MYT1L: variants seen among roughly 807,000 people sequenced by gnomAD.
MYT1L encodes the protein myelin transcription factor 1-like protein.
In MYT1L, 12 loss-of-function variants were observed where a neutral mutation model predicts 126.7. The ratio of observed to expected loss-of-function variants is 0.09; its 90% confidence interval spans 0.06 to 0.15. The LOEUF is 0.15. MYT1L is among the 10% of genes least tolerant of loss of function. The pLI, the probability that MYT1L is intolerant of heterozygous loss-of-function variation, is 1.00. For synonymous variants in MYT1L, 541 were observed against 604.2 expected, an observed-to-expected ratio of 0.90 and a Z score of 1.53; for missense variants, 979 against 1,585.2, an observed-to-expected ratio of 0.62 and a Z score of 6.49.
At chr2:2,303,681 T>G (rs953665642) in intron 1 of MYT1L, 1 of 152,142 alleles carries the variant, frequency 6.6e-6, no homozygotes. Flanking sequence ...AACAATTCAT[T>G]TACCCACAGA....
intron 2 of MYT1L, among the ~76,000 whole-genome samples, chr2:2,205,374 T>C (rs1047742832): frequency 2.6e-5 from 4 of 152,338 alleles, no homozygotes; most frequent in Admixed American, 2.6e-4. Context: ...ATGTGAACCT[T>C]AAACAATTCT....
intron 18 of MYT1L, among the ~76,000 whole-genome samples, chr2:1,864,827 A>C (rs937833514): frequency 6.6e-6 from 1 of 152,194 alleles, no homozygotes; most frequent in Admixed American, 6.5e-5. Flanking sequence ...CTGAGGAGCC[A>C]GCCACATGCC....
chr2:2,194,617 A>T (rs548062470), intron 2 of MYT1L, among the ~76,000 whole-genome samples: 1 of 152,114 alleles, frequency 6.6e-6, no homozygotes, highest in East Asian at 1.9e-4. Flanking sequence ...TTTCAGAAGC[A>T]GTAGAGTGTC....
chr2:2,189,461 C>T (rs1163793102), intron 2 of MYT1L, among the ~76,000 whole-genome samples: 1 of 152,122 alleles, frequency 6.6e-6, no homozygotes, highest in African/African-American at 2.4e-5. Flanking sequence ...TATTAAGACA[C>T]GCATGAAAGA....
At chr2:2,115,017 T>C (rs1173498411) in intron 3 of MYT1L, among the ~76,000 whole-genome samples, 2 of 152,208 alleles carry the variant, frequency 1.3e-5, no homozygotes, top group African/African-American at 4.8e-5. Context: ...CAGCAGAGCG[T>C]TCAGGGCTTT....
intron 15 of MYT1L, among the ~76,000 whole-genome samples, chr2:1,890,161 C>T (rs1411267543): frequency 6.6e-6 from 1 of 151,930 alleles, no homozygotes; most frequent in Non-Finnish European, 1.5e-5. Flanking sequence ...CCTCCACCTC[C>T]CAGGTTCAAG....
At chr2:1,863,069 A>C (rs1326408706) in intron 18 of MYT1L, among the ~76,000 whole-genome samples, 1 of 152,162 alleles carries the variant, frequency 6.6e-6, no homozygotes, top group Non-Finnish European at 1.5e-5. Flanking sequence ...GCGTGTCCAG[A>C]TGTGAGATGC....
rs907452967 is a variant in MYT1L at position 2,228,029 on chromosome 2, G to T, written c.-420-55041C>A. ...GATACTCACAGACATTAACTAAATT[G>T]CCCAATGTCAAGTAGCTCATAACGG... On this transcript the variant is annotated intron_variant, in intron 2 of 24. Coordinates refer to ENST00000647738, the MANE Select transcript of MYT1L (RefSeq NM_001303052.2). This position sits in a 1 kb window ranked among gnomAD's most constrained non-coding sequence, Gnocchi z 5.9. Among the ~76,000 whole-genome samples, 1 of 152,148 alleles carries T rather than the reference G, an allele frequency of 6.6e-6. No individual in the cohort carries two copies. The highest frequency in any genetic ancestry group is 2.4e-5 in the African/African-American group (1 of 41,434).
chr2:2,288,057 T>C (rs1006568537), intron 1 of MYT1L, among the ~76,000 whole-genome samples: 9 of 152,136 alleles, frequency 5.9e-5, no homozygotes, highest in African/African-American at 1.9e-4. Context: ...TCATCTGGTC[T>C]CATTTCCTGA....
At chr2:2,262,470 A>T (rs1039033420) in intron 2 of MYT1L, among the ~76,000 whole-genome samples, 1 of 152,074 alleles carries the variant, frequency 6.6e-6, no homozygotes, top group African/African-American at 2.4e-5. Flanking sequence ...AGGCAGGCGG[A>T]TCACAAGGTC....
intron 1 of MYT1L, among the ~76,000 whole-genome samples, chr2:2,296,609 G>C (rs2095697797): frequency 6.6e-6 from 1 of 152,160 alleles, no homozygotes; most frequent in Non-Finnish European, 1.5e-5. Flanking sequence ...GGAGAAGAGA[G>C]AGGGGGAGTG....
chr2:2,262,939 G>GACATATATATAT (rs1466512652), intron 2 of MYT1L, among the ~76,000 whole-genome samples: 1 of 51,994 alleles, frequency 1.9e-5, no homozygotes, highest in African/African-American at 8.5e-5. Flanking sequence ...TATAACCTGT[G>GACATATATATAT]ATATATATAT....
chr2:2,050,247 C>T (rs1008216404), intron 4 of MYT1L, among the ~76,000 whole-genome samples: 9 of 152,150 alleles, frequency 5.9e-5, no homozygotes, highest in African/African-American at 1.2e-4. Flanking sequence ...ATGACATTTG[C>T]TCACTGTTTT....
chr2:2,285,493 C>T (rs894955899), intron 1 of MYT1L, among the ~76,000 whole-genome samples: 2 of 152,312 alleles, frequency 1.3e-5, no homozygotes, highest in South Asian at 2.1e-4. Context: ...TAACCATATT[C>T]GTTCCAATTT....
At chr2:1,859,950 G>A (rs999152015) in intron 18 of MYT1L, among the ~76,000 whole-genome samples, 1 of 152,240 alleles carries the variant, frequency 6.6e-6, no homozygotes, top group Non-Finnish European at 1.5e-5. Context: ...CGGTTTGGCT[G>A]TTTGGGGAGC....
intron 3 of MYT1L, among the ~76,000 whole-genome samples, chr2:2,153,627 C>T (rs569431389): frequency 6.6e-6 from 1 of 152,214 alleles, no homozygotes; most frequent in African/African-American, 2.4e-5. Flanking sequence ...GGAAGACCAT[C>T]AAAAGTAATT....
chr2:1,986,661 C>T (rs149044727), intron 5 of MYT1L, among the ~76,000 whole-genome samples: 7 of 152,244 alleles, frequency 4.6e-5, no homozygotes, highest in African/African-American at 9.6e-5. Flanking sequence ...ACGTCATGTA[C>T]GATAACAGCA....
intron 3 of MYT1L, among the ~76,000 whole-genome samples, chr2:2,095,147 C>G (rs62116724): frequency 7.2e-5 from 11 of 152,202 alleles, no homozygotes; most frequent in African/African-American, 2.2e-4. Flanking sequence ...GAGGGAGAAG[C>G]GCTGTGTCCC....
At position 1,857,294 on chromosome 2, in the gene MYT1L, A is replaced by AT. The variant is rs892039394; in HGVS notation, c.2712-5592dup. On this transcript the variant is annotated intron_variant, in intron 18 of 24. Transcript: ENST00000647738. ...TCTTGATTGAGTTAACTACTTATTT[A>AT]TTTTTTTTAAAAGTCTTCTAAATGA... Among the ~76,000 whole-genome samples the AT allele has an allele frequency of 3.3e-5, 5 of 152,272 alleles. No individual in the cohort carries two copies. In the South Asian group the frequency reaches 6.2e-4, roughly 19 times the overall value.
Sources: allele counts gnomAD v4.1 joint callset (sites outside exome capture counted in the v4.1 genomes callset), GRCh38; gene constraint gnomAD v4.1.1; non-coding constraint Gnocchi (gnomAD v3.1); transcripts MANE v1.5; gene names NCBI Gene and HGNC (gene_info 2026-07-23, HGNC 2026-07-21).